Variants in NEBL observed in about 807,000 individuals in gnomAD.
NEBL encodes the protein LIM and SH3 protein 2.
Under a neutral mutation model 140.2 loss-of-function variants are expected in NEBL, and 122 were observed. The ratio of observed to expected loss-of-function variants is 0.87; its 90% CI spans 0.75 to 1.01. The LOEUF is 1.01. Ranked by LOEUF, NEBL falls within the 50% of genes least tolerant of loss-of-function variation. The pLI is 0.00. For synonymous variants in NEBL, 436 were observed against 398.9 expected (o/e 1.09, Z -1.11); for missense variants, 1,365 against 1,231.3 (o/e 1.11, Z -1.62).
intron 3 of NEBL, among the ~76,000 whole-genome samples, chr10:21,184,942 T>C (rs1268188768): frequency 6.6e-6 from 1 of 152,184 alleles, no homozygotes; most frequent in African/African-American, 2.4e-5. Flanking sequence ...CCAAATTTTC[T>C]ACAATAAACA....
rs1219710746 is a variant in NEBL at position 20,835,594 on chromosome 10, T to G, written c.1368A>C (p.Ile456=). The G allele has an allele frequency of 6.2e-7, 1 of 1,611,744 alleles. No individual in the cohort carries two copies. The change falls in exon 14 of 28, where the codon ATA becomes ATC. Residue 456 remains isoleucine, a synonymous_variant. Transcript: ENST00000377122. ...CAGCTTGCATTCCTTTCCCTTTAAT[T>G]ATTGACTCCAGGTCTTTCTTGTATT... is the stretch of plus-strand genomic sequence containing the variant. The part of the protein sequence containing the change: ...EKEYKKDLES[I]IKGKGMQAGT...
At chr10:21,068,227 G>T (rs1440926272) in intron 2 of NEBL, among the ~76,000 whole-genome samples, 2 of 152,144 alleles carry the variant, frequency 1.3e-5, no homozygotes, top group Admixed American at 6.5e-5. Flanking sequence ...AAAAGCATTT[G>T]TCAGCACTTT....
intron 1 of NEBL, among the ~76,000 whole-genome samples, chr10:21,279,060 G>A (rs560828627): frequency 5.7e-4 from 86 of 152,212 alleles, no homozygotes; most frequent in African/African-American, 2.0e-3. Context: ...TTACAGAGGC[G>A]GGCAGAATTT....
intron 2 of NEBL, among the ~76,000 whole-genome samples, chr10:21,121,112 A>C (rs1448142142): frequency 6.6e-6 from 1 of 152,168 alleles, no homozygotes; most frequent in African/African-American, 2.4e-5. Flanking sequence ...TTTGGCCCTG[A>C]AACTTTTTTT....
At chr10:21,242,210 G>GA (rs1238635083) in intron 3 of NEBL, among the ~76,000 whole-genome samples, 5 of 136,284 alleles carry the variant, frequency 3.7e-5, no homozygotes, top group Admixed American at 2.9e-4. Context: ...GTCTCAAAAG[G>GA]AAAAAAAAGA....
intron 4 of NEBL, among the ~76,000 whole-genome samples, chr10:20,934,753 T>C (rs1834387982): frequency 6.6e-6 from 1 of 152,156 alleles, no homozygotes; most frequent in Non-Finnish European, 1.5e-5. Context: ...TAAACCTCTA[T>C]TGTACTGAGA....
chr10:21,008,141 A>G (rs578072500), intron 3 of NEBL, among the ~76,000 whole-genome samples: 1 of 152,288 alleles, frequency 6.6e-6, no homozygotes, highest in East Asian at 1.9e-4. Flanking sequence ...GTGTGTGTAT[A>G]TATGTATAGG....
At chr10:21,275,987 T>A (rs1274121646) in intron 1 of NEBL, among the ~76,000 whole-genome samples, 1 of 131,872 alleles carries the variant, frequency 7.6e-6, no homozygotes, top group Non-Finnish European at 1.6e-5. Context: ...TTTTTTTTTT[T>A]AAAGACAGAG....
intron 2 of NEBL, among the ~76,000 whole-genome samples, chr10:21,169,064 AAAAATATATATATATATATATATAT>A (rs1214323204): frequency 1.9e-5 from 1 of 52,382 alleles, no homozygotes; most frequent in African/African-American, 7.3e-5. Context: ...AAAAAAAAAA[AAAAATATATATATATATATATATAT>A]ATATATATAT....
At chr10:21,207,266 G>A (rs957801459) in intron 3 of NEBL, among the ~76,000 whole-genome samples, 8 of 152,048 alleles carry the variant, frequency 5.3e-5, no homozygotes, top group Non-Finnish European at 1.0e-4. Flanking sequence ...AAGCCACCAC[G>A]CCCAGCCAAA....
chr10:20,814,577 G>A (rs1290511226), intron 22 of NEBL, among the ~76,000 whole-genome samples: 1 of 150,980 alleles, frequency 6.6e-6, no homozygotes, highest in Non-Finnish European at 1.5e-5. Context: ...ATTCCAGCCC[G>A]GGCAACAGAG....
At chr10:20,998,219 G>T (rs1178172066) in intron 3 of NEBL, among the ~76,000 whole-genome samples, 2 of 152,142 alleles carry the variant, frequency 1.3e-5, no homozygotes, top group African/African-American at 4.8e-5. Flanking sequence ...GGAAAGTCCT[G>T]AGGCCAAATA....
chr10:21,210,237 C>CA (rs1841894573), intron 3 of NEBL, among the ~76,000 whole-genome samples: 2 of 152,012 alleles, frequency 1.3e-5, no homozygotes, highest in South Asian at 4.2e-4. Context: ...ACCAAAAATA[C>CA]AAAAAACTTA....
At position 21,092,073 on chromosome 10, in the gene NEBL, A is replaced by G. The variant is rs187765873; in HGVS notation, c.165-71872T>C. 5.2e-3 allele frequency among the ~76,000 whole-genome samples: 785 copies of G among 152,354 alleles called. 4 individuals carry two copies. The highest frequency in any genetic ancestry group is 0.014 in the Middle Eastern group (4 of 294). On this transcript the variant is annotated intron_variant, in intron 2 of 6. Transcript: ENST00000417816. ...TGTCGTATCTTACAGAGTATCAGCA[A>G]CTACAGGCAATCTGATAATGGAAGA...
Position 21,007,771 on chromosome 10 carries a change from G to T in NEBL, c.249+12346C>A, listed in dbSNP as rs1447374279. ...AGGTAAAGCCTCTTGAATTACATCT[G>T]TGCTTGTTATATAGTAGAATGAGTG... On this transcript the variant is annotated intron_variant, in intron 3 of 6. Transcript: ENST00000417816. Among the ~76,000 whole-genome samples, 6 of 152,162 alleles carry T rather than the reference G, an allele frequency of 3.9e-5. No individual in the cohort carries two copies. The East Asian group carries it at 1.2e-3, about 29-fold the overall frequency.
chr10:20,907,780 T>A (rs967536132), intron 4 of NEBL, among the ~76,000 whole-genome samples: 2 of 152,204 alleles, frequency 1.3e-5, no homozygotes, highest in African/African-American at 4.8e-5. Flanking sequence ...ACACAGTATT[T>A]CTGATTTCTG....
At chr10:21,219,181 G>C (rs1289723924) in intron 3 of NEBL, among the ~76,000 whole-genome samples, 1 of 152,168 alleles carries the variant, frequency 6.6e-6, no homozygotes, top group Non-Finnish European at 1.5e-5. Flanking sequence ...TGTGAGTTGG[G>C]TGTGTGTTTG....
At chr10:20,993,771 T>A (rs552764287) in intron 3 of NEBL, among the ~76,000 whole-genome samples, 1 of 152,128 alleles carries the variant, frequency 6.6e-6, no homozygotes, top group Non-Finnish European at 1.5e-5. Flanking sequence ...GATGTGGGCA[T>A]ACGATTCAAA....
At chr10:20,992,197 A>G (rs1440578912) in intron 3 of NEBL, among the ~76,000 whole-genome samples, 6 of 152,248 alleles carry the variant, frequency 3.9e-5, no homozygotes, top group Non-Finnish European at 8.8e-5. Flanking sequence ...ACGTTGGTTT[A>G]AAAATAGATA....
Sources: gnomAD v4.1 joint callset for allele counts (sites outside exome capture counted in the v4.1 genomes callset) on GRCh38, gnomAD v4.1.1 for gene constraint, MANE v1.5 for transcripts, NCBI Gene and HGNC (gene_info 2026-07-23, HGNC 2026-07-21) for gene names.